Variants in ARHGAP26 observed in about 807,000 individuals in gnomAD.
The protein encoded by ARHGAP26 is Rho GTPase activating protein 26, also known as rho GTPase-activating protein 26.
ARHGAP26 carries 38 observed loss-of-function variants against 104.8 expected under a neutral mutation model. That is an observed-to-expected ratio of 0.36 (90% CI 0.28 to 0.48). The LOEUF is 0.48. ARHGAP26 is among the 20% of genes least tolerant of loss of function. The pLI, the probability that ARHGAP26 is intolerant of heterozygous loss-of-function variation, is 0.99. For missense variants in ARHGAP26, 704 were observed against 947.9 expected (o/e 0.74, Z 3.38); for synonymous variants, 341 against 340.0 (o/e 1.00, Z -0.03).
chr5:142,924,052 C>T (rs954178217), intron 10 of ARHGAP26, among the ~76,000 whole-genome samples: 10 of 151,944 alleles, frequency 6.6e-5, no homozygotes, highest in African/African-American at 1.4e-4. Flanking sequence ...TTAGTAGAGA[C>T]GGGGTTTCAC....
chr5:142,876,939 G>T (rs1168399861), intron 3 of ARHGAP26, among the ~76,000 whole-genome samples: 3 of 152,050 alleles, frequency 2.0e-5, no homozygotes, highest in African/African-American at 7.2e-5. Context: ...GGGGGTTGGT[G>T]GTGGGTGGAA....
In ARHGAP26 at chr5:142,823,087, T is replaced by A. The variant is rs189333467; in HGVS notation, c.155-50313T>A. ...CAATAACCTTATAGGGCAAGGGGCA[T>A]CACTATTCCCATTTTACAGCTGAGT... On this transcript the variant is annotated intron_variant, in intron 1 of 22. Transcript: ENST00000645722. 3.0e-4 allele frequency among the ~76,000 whole-genome samples: 46 copies of A among 152,364 alleles called. No homozygotes were observed. The East Asian group carries it at 8.9e-3, about 29-fold the overall frequency.
chr5:142,899,555 T>C (rs996398585), intron 6 of ARHGAP26, among the ~76,000 whole-genome samples: 4 of 152,106 alleles, frequency 2.6e-5, no homozygotes, highest in Admixed American at 2.6e-4. Flanking sequence ...GATAACCAGG[T>C]GGGACTGCAG....
At chr5:142,998,459 CT>C (rs1234162056) in intron 11 of ARHGAP26, among the ~76,000 whole-genome samples, 1 of 152,158 alleles carries the variant, frequency 6.6e-6, no homozygotes, top group Non-Finnish European at 1.5e-5. Context: ...GGAGGGGACC[CT>C]ACTGGGCTTA....
At chr5:142,784,224 C>T (rs139351997) in intron 1 of ARHGAP26, among the ~76,000 whole-genome samples, 36 of 152,322 alleles carry the variant, frequency 2.4e-4, no homozygotes, top group East Asian at 5.8e-4. Context: ...TGCTTGTAAT[C>T]GGTTCCCCAG....
chr5:142,972,754 T>C (rs1197355862), intron 11 of ARHGAP26, among the ~76,000 whole-genome samples: 3 of 152,134 alleles, frequency 2.0e-5, no homozygotes, highest in African/African-American at 7.2e-5. Context: ...ACTCATCCTA[T>C]ATATTTGCTA....
intron 17 of ARHGAP26, among the ~76,000 whole-genome samples, chr5:143,100,045 A>G (rs1405400831): frequency 1.3e-5 from 2 of 152,224 alleles, no homozygotes. Context: ...CAGTCCAGGG[A>G]AATAATGAAA....
chr5:143,131,826 G>A (rs1599153956), intron 18 of ARHGAP26, among the ~76,000 whole-genome samples: 1 of 151,980 alleles, frequency 6.6e-6, no homozygotes, highest in Admixed American at 6.5e-5. Context: ...ATTTTTAAAT[G>A]TCAATGATAA....
At chr5:143,053,952 A>T (rs1366102297) in intron 14 of ARHGAP26, among the ~76,000 whole-genome samples, 2 of 152,226 alleles carry the variant, frequency 1.3e-5, no homozygotes, top group African/African-American at 4.8e-5. Context: ...ATATTCCATC[A>T]GGTAGACATA....
chr5:142,810,488 C>CTCA (rs1233650478), intron 1 of ARHGAP26, among the ~76,000 whole-genome samples: 1 of 152,138 alleles, frequency 6.6e-6, no homozygotes, highest in African/African-American at 2.4e-5. Flanking sequence ...CCCTCTCCCC[C>CTCA]ATCTCTTTCT....
intron 1 of ARHGAP26, among the ~76,000 whole-genome samples, chr5:142,863,841 A>C (rs543564010): frequency 2.0e-5 from 3 of 152,274 alleles, no homozygotes; most frequent in African/African-American, 7.2e-5. Flanking sequence ...CTGCAGAGGA[A>C]AAGGCATTCC....
chr5:143,150,172 A>G (rs566312474), intron 20 of ARHGAP26, among the ~76,000 whole-genome samples: 1 of 152,318 alleles, frequency 6.6e-6, no homozygotes, highest in East Asian at 1.9e-4. Flanking sequence ...ATCTCTCCTG[A>G]AGAACAAAGG....
chr5:143,180,273 A>C (rs1804124476), intron 20 of ARHGAP26, among the ~76,000 whole-genome samples: 1 of 152,010 alleles, frequency 6.6e-6, no homozygotes, highest in Non-Finnish European at 1.5e-5. Flanking sequence ...CTACAGGTGC[A>C]CACCACCACA....
intron 11 of ARHGAP26, among the ~76,000 whole-genome samples, chr5:142,975,401 G>A (rs1211101615): frequency 1.3e-5 from 2 of 151,958 alleles, no homozygotes; most frequent in Non-Finnish European, 2.9e-5. Context: ...CATCTTGCTG[G>A]TGTACTGGGG....
At chr5:143,082,695 C>T (rs949513958) in intron 17 of ARHGAP26, among the ~76,000 whole-genome samples, 6 of 152,172 alleles carry the variant, frequency 3.9e-5, no homozygotes, top group East Asian at 3.8e-4. Flanking sequence ...CGCACATAAG[C>T]GTAATTACAG....
intron 7 of ARHGAP26, 46 bp from the exon 8 acceptor site, chr5:142,903,494 C>T: frequency 6.3e-7 from 1 of 1,594,508 alleles, no homozygotes; most frequent in Non-Finnish European, 8.6e-7. Flanking sequence ...ATTGTTAAAA[C>T]AGATACTTTG....
chr5:142,956,681 G>T (rs1429293142), intron 11 of ARHGAP26, among the ~76,000 whole-genome samples: 2 of 152,174 alleles, frequency 1.3e-5, no homozygotes. Flanking sequence ...ACTTGTATTA[G>T]TCCATTTTTA....
In ARHGAP26 at chr5:143,093,991, C is replaced by G. The variant is rs536008481; in HGVS notation, c.1539-26997C>G. 1.6e-3 allele frequency among the ~76,000 whole-genome samples: 250 copies of G among 152,292 alleles called. 1 individual carries two copies. Among genetic ancestry groups the G allele is most frequent in the African/African-American group, 5.8e-3 (239 of 41,552 alleles). ...ACCTCTTGTTGAAGTTCAACGCCCC[C>G]CCATGGGGATTTCTCCCCTGTTTTT... On this transcript the variant is annotated intron_variant, in intron 17 of 22. Transcript: ENST00000645722.
At chr5:142,992,499 T>C (rs1454416060) in intron 11 of ARHGAP26, among the ~76,000 whole-genome samples, 2 of 151,812 alleles carry the variant, frequency 1.3e-5, no homozygotes, top group African/African-American at 4.8e-5. Context: ...AGTGGCGTAA[T>C]CTCTGCTCAC....
Sources: gnomAD v4.1 joint callset for allele counts (sites outside exome capture counted in the v4.1 genomes callset) on GRCh38, gnomAD v4.1.1 for gene constraint, MANE v1.5 for transcripts, NCBI Gene and HGNC (gene_info 2026-07-23, HGNC 2026-07-21) for gene names.